Variants in IQGAP1 observed in about 807,000 individuals in gnomAD.
The protein encoded by IQGAP1 is ras GTPase-activating-like protein IQGAP1.
Under a neutral mutation model 215.6 loss-of-function variants are expected in IQGAP1, and 66 were observed. The ratio of observed to expected loss-of-function variants is 0.31; its 90% confidence interval spans 0.25 to 0.38. The LOEUF is 0.38. Ranked by LOEUF, IQGAP1 falls within the 10% of genes least tolerant of loss-of-function variation. The probability of loss-of-function intolerance (pLI) is 1.00; values close to 1 mark genes in which losing one functional copy is unlikely to be tolerated. For missense variants in IQGAP1, 1,712 were observed against 1,997.1 expected, an observed-to-expected ratio of 0.86 and a Z score of 2.72; for synonymous variants, 772 against 728.7, an observed-to-expected ratio of 1.06 and a Z score of -0.96.
intron 2 of IQGAP1, among the ~76,000 whole-genome samples, chr15:90,399,767 C>T (rs184748328): frequency 3.3e-5 from 5 of 152,256 alleles, no homozygotes; most frequent in Non-Finnish European, 4.4e-5. Context: ...CCTGCCTCAG[C>T]CTCCCAAAGT....
chr15:90,422,112 C>T (rs1263389609), intron 2 of IQGAP1, among the ~76,000 whole-genome samples: 2 of 152,052 alleles, frequency 1.3e-5, no homozygotes, highest in Non-Finnish European at 2.9e-5. Context: ...GCGATTTTTC[C>T]CTTTTTAGAC....
rs1389463465 is a variant in IQGAP1, at chr15:90,433,702, C to A, written c.391-17C>A. 1 of 1,480,408 alleles carries A rather than the reference C, an allele frequency of 6.8e-7. No individual in the cohort carries two copies. The highest frequency in any genetic ancestry group is 9.4e-7 in the Non-Finnish European group (1 of 1,065,156). 91.7% of individuals were successfully genotyped at this position (1,480,408 alleles called of 1,614,324 possible). ...AGTGAATGGATATCTTACTCTGTTT[C>A]TTTTATTTCTCCCTAGATTTTTTAC... On this transcript the variant is annotated splice_polypyrimidine_tract_variant and intron_variant, in intron 4 of 37. Transcript: ENST00000268182.
chr15:90,405,419 C>T, intron 2 of IQGAP1, among the ~76,000 whole-genome samples: 1 of 152,144 alleles, frequency 6.6e-6, no homozygotes. Flanking sequence ...ACAGCTTTGA[C>T]ATAAAGACTG....
chr15:90,501,966 A>ATGT lies in IQGAP1; in HGVS notation c.*1861_*1863dup, dbSNP rs1966347236. On this transcript the variant is annotated 3_prime_UTR_variant, in exon 38 of 38. Coordinates refer to ENST00000268182, the MANE Select transcript of IQGAP1 (RefSeq NM_003870.4). ...GAATAGTGTAAAATGCGCTTCAAGAATGTTGATGATGATGATATAGAATTG... is the reference window on the plus strand; with the variant it reads ...GAATAGTGTAAAATGCGCTTCAAGAATGTTGTTGATGATGATGATATAGAATTG... 1.3e-5 allele frequency: 2 copies of ATGT among 152,618 alleles called. No homozygotes were observed. Among genetic ancestry groups the ATGT allele is most frequent in the Admixed American group, 6.5e-5 (1 of 15,296 alleles). 9.5% of individuals were successfully genotyped at this position (152,618 alleles called of 1,614,324 possible).
In IQGAP1 at chr15:90,499,980, T is replaced by TTGTTA; in HGVS notation, c.4861-11_4861-10insATGTT. ...TCAAAATGTTTTGTTTTGTTTTGTT[T>TTGTTA]TGTTTTGTTAATAGGACCTGCTGCA... On this transcript the variant is annotated splice_polypyrimidine_tract_variant and intron_variant, in intron 37 of 37. Coordinates refer to ENST00000268182, the MANE Select transcript of IQGAP1 (RefSeq NM_003870.4). The TTGTTA allele has an allele frequency of 1.0e-6, 1 of 1,000,864 alleles. No individual in the cohort carries two copies. Among genetic ancestry groups the TTGTTA allele is most frequent in the African/African-American group, 1.6e-5 (1 of 61,246 alleles). The allele number at this position is 1,000,864 out of a possible 1,614,324, so 62.0% of individuals were successfully genotyped here. A position where few individuals can be genotyped will look rare whatever the true frequency, so the allele number is the denominator to read the frequency against.
At chr15:90,436,057 G>A (rs1965366503) in intron 5 of IQGAP1, among the ~76,000 whole-genome samples, 1 of 122,154 alleles carries the variant, frequency 8.2e-6, no homozygotes, top group Middle Eastern at 4.3e-3. Context: ...TCTCCTCCCT[G>A]CTTGCCTTTT....
chr15:90,500,212 AG>A lies in IQGAP1; in HGVS notation c.*105del. On this transcript the variant is annotated 3_prime_UTR_variant, in exon 38 of 38. Transcript: ENST00000268182. The stretch of plus-strand genomic sequence containing the variant: ...TGGAAGCAAAGACCTAGCCAACAAC[AG>A]CACCTCAATCTGATACACTCCCGAT... 1 of 673,398 alleles carries A rather than the reference AG, an allele frequency of 1.5e-6. No individual in the cohort carries two copies. 41.7% of individuals were successfully genotyped at this position (673,398 alleles called of 1,614,324 possible). A position where few individuals can be genotyped will look rare whatever the true frequency, so the allele number is the denominator to read the frequency against.
chr15:90,432,887 A>G (rs1965321638), intron 4 of IQGAP1, among the ~76,000 whole-genome samples: 5 of 152,166 alleles, frequency 3.3e-5, no homozygotes, highest in Admixed American at 2.0e-4. Context: ...CATGACTGTG[A>G]GAATAGGCCT....
At chr15:90,395,552 C>T (rs1419027923) in intron 2 of IQGAP1, among the ~76,000 whole-genome samples, 1 of 152,166 alleles carries the variant, frequency 6.6e-6, no homozygotes, top group Non-Finnish European at 1.5e-5. Flanking sequence ...GATCTCCTGA[C>T]CTCGTGATCC....
At chr15:90,437,088 ACCT>A (rs61115877) in intron 5 of IQGAP1, among the ~76,000 whole-genome samples, 62,388 of 151,888 alleles carry the variant, frequency 0.41, 14,576 homozygotes, top group African/African-American at 0.66. Context: ...GGCTGGGGAG[ACCT>A]CCTCAGGAAA....
intron 9 of IQGAP1, 45 bp downstream of exon 9, chr15:90,443,523 T>C (rs1198165798): frequency 9.2e-7 from 1 of 1,083,802 alleles, no homozygotes; most frequent in Admixed American, 1.8e-5. Flanking sequence ...TATTATAATA[T>C]AATGTGAATG....
In IQGAP1 at chr15:90,448,999, G is replaced by C. The variant is rs540248811; in HGVS notation, c.1077+263G>C. 1.8e-3 allele frequency among the ~76,000 whole-genome samples: 278 copies of C among 152,146 alleles called. 1 individual carries two copies. The highest frequency in any genetic ancestry group is 6.1e-3 in the African/African-American group (253 of 41,506). ...GTCTAATCACTCCTTCACTTCAGCT[G>C]TCTCTCTCTCCAACTAAAAGACATT... On this transcript the variant is annotated intron_variant, in intron 10 of 37. Coordinates refer to ENST00000268182, the MANE Select transcript of IQGAP1 (RefSeq NM_003870.4).
At chr15:90,493,475 A>G (rs1966233793) in intron 35 of IQGAP1, among the ~76,000 whole-genome samples, 1 of 152,212 alleles carries the variant, frequency 6.6e-6, no homozygotes, top group South Asian at 2.1e-4. Context: ...CAGGGAGGGA[A>G]TTGAAAACCC....
chr15:90,459,592 G>T (rs1484359864), intron 15 of IQGAP1, among the ~76,000 whole-genome samples: 1 of 152,240 alleles, frequency 6.6e-6, no homozygotes, highest in African/African-American at 2.4e-5. Context: ...ATCAAAGGCG[G>T]AGGAAGTCGG....
chr15:90,486,435 A>T (rs1287419165), intron 31 of IQGAP1: 1 of 238,158 alleles, frequency 4.2e-6, no homozygotes, highest in Non-Finnish European at 8.2e-6. Context: ...CTCTAAAGGA[A>T]AGAATTTTTT....
intron 30 of IQGAP1, 118 bp downstream of exon 30, chr15:90,484,470 C>G (rs1460286163): frequency 4.3e-6 from 3 of 694,154 alleles, no homozygotes; most frequent in Non-Finnish European, 4.8e-6. Flanking sequence ...GACAATGCAT[C>G]TCCTTGATGT....
chr15:90,429,504 T>G lies in IQGAP1; in HGVS notation c.313-85T>G, dbSNP rs562510323. On this transcript the variant is annotated intron_variant, in intron 3 of 37. Transcript: ENST00000268182. ...AATTAAGGAAAATTTGTCAAATCTC[T>G]TGAGGAAACTTTTGCGAAGAGAGTT... The G allele has an allele frequency of 4.0e-5, 41 of 1,036,278 alleles. No homozygotes were observed. The African/African-American group carries it at 6.5e-4, about 16-fold the overall frequency. 64.2% of individuals were successfully genotyped at this position (1,036,278 alleles called of 1,614,324 possible). A position where few individuals can be genotyped will look rare whatever the true frequency, so the allele number is the denominator to read the frequency against.
Position 90,473,980 on chromosome 15 carries a change from G to A in IQGAP1, c.2505+13G>A. On this transcript the variant is annotated intron_variant, in intron 21 of 37. Transcript: ENST00000268182. ...CTTCCGGGACCATGTAAGCACCCTT[G>A]GATCATACAGGCCATTAGGGGCAAT... 1 of 1,613,670 alleles carries A rather than the reference G, an allele frequency of 6.2e-7. No homozygotes were observed. Among genetic ancestry groups the A allele is most frequent in the South Asian group, 1.1e-5 (1 of 91,080 alleles).
At chr15:90,461,531 T>A (rs548560431) in intron 15 of IQGAP1, among the ~76,000 whole-genome samples, 20 of 152,202 alleles carry the variant, frequency 1.3e-4, no homozygotes, top group Non-Finnish European at 2.6e-4. Context: ...AGAACTCATT[T>A]TATAATTAAG....
Sources: allele counts gnomAD v4.1 joint callset (sites outside exome capture counted in the v4.1 genomes callset), GRCh38; gene constraint gnomAD v4.1.1; transcripts MANE v1.5; gene names NCBI Gene and HGNC (gene_info 2026-07-23, HGNC 2026-07-21).